NAA16: variants seen among roughly 807,000 people sequenced by gnomAD.
NAA16 encodes the protein NARG1-like protein.
A neutral mutation model predicts 110.3 loss-of-function variants in NAA16; 97 were observed. The ratio of observed to expected loss-of-function variants is 0.88; its 90% CI spans 0.75 to 1.04. The LOEUF (loss-of-function observed/expected upper bound fraction) is 1.04, where lower values mean the gene tolerates loss of function less well. NAA16 is among the 50% of genes least tolerant of loss of function. The probability of loss-of-function intolerance (pLI) is 0.00; values close to 1 mark genes in which losing one functional copy is unlikely to be tolerated. For missense variants in NAA16, 1,017 were observed against 1,005.1 expected (o/e 1.01, Z -0.16); for synonymous variants, 372 against 330.6 (o/e 1.13, Z -1.36).
chr13:41,350,567 A>G (rs1566280017), intron 9 of NAA16, among the ~76,000 whole-genome samples: 1 of 144,598 alleles, frequency 6.9e-6, no homozygotes, highest in Non-Finnish European at 1.5e-5. Flanking sequence ...AAGTGCTGGG[A>G]TTACAGGCTT....
chr13:41,367,427 T>C lies in NAA16; in HGVS notation c.1540-12T>C. 2 of 1,576,118 alleles carry C rather than the reference T, an allele frequency of 1.3e-6. No individual in the cohort carries two copies. The highest frequency in any genetic ancestry group is 1.7e-6 in the Non-Finnish European group (2 of 1,152,692). ...AAATGTAAAGGTTAATTTTGTGATT[T>C]TTGTTTTTAAGCATTTTTTTGAGAT... On this transcript the variant is annotated splice_polypyrimidine_tract_variant and intron_variant, in intron 13 of 19. Coordinates refer to ENST00000379406, the MANE Select transcript of NAA16 (RefSeq NM_024561.5).
chr13:41,374,002 A>G, intron 18 of NAA16: 1 of 551,634 alleles, frequency 1.8e-6, no homozygotes. Context: ...GGTTTGTGAT[A>G]ACGGGCAAAT....
chr13:41,358,547 G>C, intron 11 of NAA16, 74 bp downstream of exon 11: 1 of 1,569,744 alleles, frequency 6.4e-7, no homozygotes, highest in Non-Finnish European at 8.6e-7. Flanking sequence ...TTTTTTCTTT[G>C]TGGAAACAAG....
chr13:41,349,261 T>C (rs1412767987), intron 9 of NAA16, among the ~76,000 whole-genome samples: 1 of 152,024 alleles, frequency 6.6e-6, no homozygotes, highest in Non-Finnish European at 1.5e-5. Flanking sequence ...TTGTAACTCA[T>C]TGTAGCATCA....
chr13:41,359,555 T>G (rs2043068606), intron 12 of NAA16, among the ~76,000 whole-genome samples: 2 of 152,142 alleles, frequency 1.3e-5, no homozygotes, highest in African/African-American at 4.8e-5. Flanking sequence ...TCACACATAT[T>G]TGGAAAATGG....
chr13:41,370,508 C>G (rs1226386756), intron 15 of NAA16, among the ~76,000 whole-genome samples: 1 of 152,212 alleles, frequency 6.6e-6, no homozygotes, highest in Non-Finnish European at 1.5e-5. Context: ...TATAAAGCTA[C>G]TAACCCCTGA....
At chr13:41,352,167 C>T (rs1023036164) in intron 9 of NAA16, among the ~76,000 whole-genome samples, 9 of 152,060 alleles carry the variant, frequency 5.9e-5, no homozygotes, top group Admixed American at 1.3e-4. Flanking sequence ...CAGGGCAAAA[C>T]CCCGTCTCTA....
rs986861748 is a variant in NAA16 at position 41,311,302 on chromosome 13, A to G, written c.-227A>G. 6 of 542,308 alleles carry G rather than the reference A, an allele frequency of 1.1e-5. No individual in the cohort carries two copies. Among genetic ancestry groups the G allele is most frequent in the East Asian group, 6.7e-5 (2 of 29,890 alleles). 33.6% of individuals were successfully genotyped at this position (542,308 alleles called of 1,614,324 possible). ...GGAACCGCCGCCGCCGCCGCTGGCC[A>G]AAAAGCGGAGCCCAGGGGAAGCGTG... On this transcript the variant is annotated 5_prime_UTR_variant, in exon 1 of 20. Transcript: ENST00000379406.
intron 5 of NAA16, among the ~76,000 whole-genome samples, chr13:41,324,588 C>G (rs1203481979): frequency 6.6e-6 from 1 of 151,308 alleles, no homozygotes; most frequent in East Asian, 1.9e-4. Flanking sequence ...GTTGGCCAGG[C>G]TGGTCTCAAA....
chr13:41,362,184 A>G (rs1052382193), intron 13 of NAA16, 25 bp downstream of exon 13: 2 of 1,586,388 alleles, frequency 1.3e-6, no homozygotes, highest in African/African-American at 1.4e-5. Context: ...TTTCGACTTC[A>G]GTTTTCACTG....
intron 3 of NAA16, among the ~76,000 whole-genome samples, chr13:41,319,557 C>A (rs961044100): frequency 1.3e-5 from 2 of 151,960 alleles, no homozygotes; most frequent in African/African-American, 4.8e-5. Flanking sequence ...CACTCTGTCA[C>A]CCAGGCTAGA....
At chr13:41,320,931 G>A in intron 4 of NAA16, 107 bp downstream of exon 4, 1 of 987,206 alleles carries the variant, frequency 1.0e-6, no homozygotes, top group Admixed American at 3.0e-5. Flanking sequence ...AGATTTGATT[G>A]TTCATTAGAA....
intron 9 of NAA16, among the ~76,000 whole-genome samples, chr13:41,345,217 G>A (rs184289038): frequency 1.3e-5 from 2 of 152,310 alleles, no homozygotes; most frequent in East Asian, 1.9e-4. Context: ...GAATGGAATT[G>A]CTGAGTCAAA....
At chr13:41,325,647 A>G (rs2042073027) in intron 5 of NAA16, 51 bp from the exon 6 acceptor site, 3 of 1,296,186 alleles carry the variant, frequency 2.3e-6, no homozygotes, top group South Asian at 1.5e-5. Flanking sequence ...AAAGGTCTGT[A>G]ACTGCTTTAT....
At chr13:41,367,817 A>G (rs1380459567) in intron 14 of NAA16, among the ~76,000 whole-genome samples, 165 bp downstream of exon 14, 1 of 152,268 alleles carries the variant, frequency 6.6e-6, no homozygotes, top group Non-Finnish European at 1.5e-5. Context: ...AGAGAGTTAA[A>G]AAAAGTGGGA....
At chr13:41,355,281 C>G (rs1417243662) in intron 10 of NAA16, 65 bp downstream of exon 10, 2 of 1,011,324 alleles carry the variant, frequency 2.0e-6, no homozygotes, top group Non-Finnish European at 3.0e-6. Flanking sequence ...CAGTAATGCT[C>G]TTTTATGTAT....
chr13:41,344,996 TG>T (rs1483192679), intron 9 of NAA16, among the ~76,000 whole-genome samples: 1 of 152,252 alleles, frequency 6.6e-6, no homozygotes, highest in East Asian at 1.9e-4. Context: ...ATAGTCTTTT[TG>T]GGTCTGGCTT....
chr13:41,320,831 A>G lies in NAA16; in HGVS notation c.402+7A>G. 6.3e-7 allele frequency: 1 copy of G among 1,584,950 alleles called. No homozygotes were observed. The highest frequency in any genetic ancestry group is 8.5e-7 in the Non-Finnish European group (1 of 1,169,878). ...AGACCTTGAAGGTTACCGAGTAAGT[A>G]CTTCATTCTTAAATGTACATGATTT... On this transcript the variant is annotated splice_region_variant and intron_variant, in intron 4 of 19. Transcript: ENST00000379406.
intron 7 of NAA16, 131 bp downstream of exon 7, chr13:41,328,974 G>T: frequency 1.4e-6 from 1 of 728,748 alleles, no homozygotes. Flanking sequence ...AAAATTATAG[G>T]TTAAACATGG....
Sources: allele counts gnomAD v4.1 joint callset (sites outside exome capture counted in the v4.1 genomes callset), GRCh38; gene constraint gnomAD v4.1.1; transcripts MANE v1.5; gene names NCBI Gene and HGNC (gene_info 2026-07-23, HGNC 2026-07-21).